DNAH5: variants seen among roughly 807,000 people sequenced by gnomAD.
DNAH5 encodes dynein axonemal heavy chain 5, also known as axonemal beta dynein heavy chain 5.
DNAH5 carries 372 observed loss-of-function variants against 518.2 expected under a neutral mutation model. That is an observed-to-expected ratio of 0.72 (90% CI 0.66 to 0.78). DNAH5 has a LOEUF of 0.78. Among genes scored for constraint, DNAH5 ranks in the 30% least tolerant of loss-of-function variants. The pLI is 0.00. For synonymous variants in DNAH5, 2,039 were observed against 2,025.9 expected (o/e 1.01, Z -0.17); for missense variants, 5,523 against 5,687.0 (o/e 0.97, Z 0.93).
Position 13,716,628 on chromosome 5 carries a change from A to G in DNAH5, c.12768T>C (p.Thr4256=). ...IGEIQYGGRV[T]DDYDKRLLNT... ...TCAACAATCTCTTATCATAGTCGTC[A>G]GTGACTCTGCCTCCATATTGAATCT... The change falls in exon 74 of 79, where the codon ACT becomes ACC. Residue 4256 remains threonine, a synonymous_variant. Coordinates refer to ENST00000265104, the MANE Select transcript of DNAH5 (RefSeq NM_001369.3). 6.2e-7 allele frequency: 1 copy of G among 1,613,990 alleles called. No homozygotes were observed. Among genetic ancestry groups the G allele is most frequent in the Non-Finnish European group, 8.5e-7 (1 of 1,179,860 alleles).
chr5:13,917,068 C>T (rs1561567120), intron 8 of DNAH5, 75 bp downstream of exon 8: 2 of 1,195,614 alleles, frequency 1.7e-6, no homozygotes, highest in East Asian at 2.4e-5. Context: ...ATTGATGAAA[C>T]AAAATTCAAT....
At chr5:13,730,940 T>A (rs1746454674) in intron 68 of DNAH5, among the ~76,000 whole-genome samples, 1 of 152,070 alleles carries the variant, frequency 6.6e-6, no homozygotes, top group African/African-American at 2.4e-5. Context: ...CCCCAGGTGA[T>A]TTGCCCGCCT....
chr5:13,886,541 T>C (rs574285347), intron 17 of DNAH5, among the ~76,000 whole-genome samples: 1 of 152,328 alleles, frequency 6.6e-6, no homozygotes, highest in Admixed American at 6.5e-5. Context: ...TCTAACTATA[T>C]TGTGCATTTC....
chr5:13,893,557 C>A (rs969228664), intron 16 of DNAH5, among the ~76,000 whole-genome samples: 3 of 152,026 alleles, frequency 2.0e-5, no homozygotes, highest in East Asian at 3.8e-4. Flanking sequence ...TTTTTCCCCA[C>A]GCAACTCCTT....
At chr5:13,845,752 C>T (rs1283096486) in intron 31 of DNAH5, among the ~76,000 whole-genome samples, 1 of 126,194 alleles carries the variant, frequency 7.9e-6, no homozygotes. Context: ...TAAACTTTAC[C>T]AGCTTTTTAA....
intron 1 of DNAH5, among the ~76,000 whole-genome samples, chr5:13,996,269 T>A (rs754573906): frequency 6.6e-6 from 1 of 152,140 alleles, no homozygotes; most frequent in Non-Finnish European, 1.5e-5. Context: ...TCAACAAGAA[T>A]TTTGGAGGGA....
Position 13,919,211 on chromosome 5 carries a change from C to G in DNAH5, c.940G>C (p.Ala314Pro). Residue 314 changes from alanine (A) to proline (P), a missense_variant, in exon 7 of 79, where the codon GCA (alanine) becomes CCA (proline). By Grantham distance (27) the Ala-to-Pro change is conservative. Transcript: ENST00000265104. ...LKSPDVKAVLAVLAAAKSKLL... is the reference protein window; with the variant it reads ...LKSPDVKAVLPVLAAAKSKLL... ...TTCGACTTGGCCGCCGCAAGCACTG[C>G]CAGCACAGCCTTCACATCCGGGCTT... The G allele has an allele frequency of 6.2e-7, 1 of 1,614,056 alleles. No homozygotes were observed. Among genetic ancestry groups the G allele is most frequent in the Non-Finnish European group, 8.5e-7 (1 of 1,179,950 alleles).
At chr5:14,007,947 C>T (rs1385667612) in intron 1 of DNAH5, among the ~76,000 whole-genome samples, 9 of 151,342 alleles carry the variant, frequency 5.9e-5, no homozygotes, top group African/African-American at 1.2e-4. Context: ...CCGAGGTGAG[C>T]GGATCACCTG....
chr5:13,861,567 G>A (rs1171095465), intron 29 of DNAH5, among the ~76,000 whole-genome samples: 1 of 152,164 alleles, frequency 6.6e-6, no homozygotes, highest in African/African-American at 2.4e-5. Flanking sequence ...AAGAGCAAAT[G>A]GAAGCAATGA....
chr5:13,883,214 T>C, intron 19 of DNAH5, 120 bp from the exon 20 acceptor site: 10 of 1,069,762 alleles, frequency 9.3e-6, no homozygotes, highest in Non-Finnish European at 1.4e-5. Flanking sequence ...AAATATTTGT[T>C]GAATGAATGA....
intron 1 of DNAH5, among the ~76,000 whole-genome samples, chr5:13,958,352 T>C (rs1335258855): frequency 2.6e-5 from 4 of 152,228 alleles, no homozygotes; most frequent in Admixed American, 2.0e-4. Context: ...CAAGTTTAAT[T>C]TGCAAATCTT....
At chr5:13,849,294 T>C (rs1253440694) in intron 31 of DNAH5, among the ~76,000 whole-genome samples, 1 of 152,244 alleles carries the variant, frequency 6.6e-6, no homozygotes, top group Admixed American at 6.5e-5. Flanking sequence ...CCAACGTGGA[T>C]ATGAAAGTAA....
At chr5:13,805,693 G>A (rs928086862) in intron 47 of DNAH5, among the ~76,000 whole-genome samples, 2 of 152,102 alleles carry the variant, frequency 1.3e-5, no homozygotes, top group African/African-American at 2.4e-5. Flanking sequence ...CCCAAACCTC[G>A]CCCTCTTTAT....
chr5:13,972,428 A>G (rs1490395690), intron 1 of DNAH5, among the ~76,000 whole-genome samples: 2 of 152,248 alleles, frequency 1.3e-5, no homozygotes, highest in African/African-American at 2.4e-5. Context: ...TCTTTCCCCA[A>G]TTCCACTGGC....
rs1473345892 is a variant in DNAH5, at chr5:13,714,752, A to T, written c.12910-132T>A. On this transcript the variant is annotated intron_variant, in intron 74 of 78. Coordinates refer to ENST00000265104, the MANE Select transcript of DNAH5 (RefSeq NM_001369.3). The stretch of plus-strand genomic sequence containing the variant: ...AAGTCTTATTGGTGTCAAGCTACAA[A>T]CTCAATAATTTCTCCAGAAAAGAAT... 11 of 856,686 alleles carry T rather than the reference A, an allele frequency of 1.3e-5. No homozygotes were observed. In the South Asian group the frequency reaches 1.6e-4, roughly 13 times the overall value. 53.1% of individuals were successfully genotyped at this position (856,686 alleles called of 1,614,324 possible).
intron 75 of DNAH5, among the ~76,000 whole-genome samples, chr5:13,708,629 C>T (rs890228593): frequency 2.0e-5 from 3 of 152,198 alleles, no homozygotes; most frequent in Non-Finnish European, 4.4e-5. Context: ...AGCAAATGCA[C>T]TTATTGGGAA....
Position 13,829,651 on chromosome 5 carries a change from G to T in DNAH5, c.6303C>A (p.Phe2101Leu). Residue 2101 changes from phenylalanine to leucine, a missense_variant, in exon 38 of 79, where the codon TTC becomes TTA. This residue lies in a region of DNAH5 where 5,121 missense variants were observed against 5,223.3 expected (regional missense o/e 0.98). Transcript: ENST00000265104. The stretch of plus-strand genomic sequence containing the variant: ...CAGGCACCATCATGGCCACTGAGCG[G>T]AAATTAATCTTCAAGTTTTCAGGGA... ...QELPENLKINFRSVAMMVPDR... is the reference protein window; with the variant it reads ...QELPENLKINLRSVAMMVPDR... The T allele has an allele frequency of 6.2e-7, 1 of 1,614,168 alleles. No individual in the cohort carries two copies. Among genetic ancestry groups the T allele is most frequent in the South Asian group, 1.1e-5 (1 of 91,084 alleles).
intron 1 of DNAH5, among the ~76,000 whole-genome samples, chr5:13,977,448 C>A (rs1782342432): frequency 1.3e-5 from 2 of 151,624 alleles, no homozygotes; most frequent in South Asian, 4.2e-4. Flanking sequence ...AAATTCATTT[C>A]TCACCGCTCA....
chr5:13,946,030 G>C (rs1163280359), upstream of DNAH5, among the ~76,000 whole-genome samples: 4 of 152,154 alleles, frequency 2.6e-5, no homozygotes, highest in Admixed American at 6.5e-5. Flanking sequence ...GAAGACACCA[G>C]AAAATAGCAG....
Sources: gnomAD v4.1 joint callset for allele counts (sites outside exome capture counted in the v4.1 genomes callset) on GRCh38, gnomAD v4.1.1 for gene constraint, gnomAD v4.1.1 regional missense constraint, MANE v1.5 for transcripts, NCBI Gene and HGNC (gene_info 2026-07-23, HGNC 2026-07-21) for gene names.